Variants in DOP1B observed in about 807,000 individuals in gnomAD.
DOP1B encodes the protein DOP1 leucine zipper like protein B, also known as protein DOP1B.
In DOP1B, 174 loss-of-function variants were observed where a neutral mutation model predicts 233.5. The observed-to-expected ratio is 0.75, with a 90% confidence interval of 0.66 to 0.85. The LOEUF (loss-of-function observed/expected upper bound fraction) is 0.85, where lower values mean the gene tolerates loss of function less well. Among genes scored for constraint, DOP1B ranks in the 40% least tolerant of loss-of-function variants. DOP1B has a pLI of 0.00. For synonymous variants in DOP1B, 1,190 were observed against 1,185.6 expected (o/e 1.00, Z -0.08); for missense variants, 2,652 against 2,846.6 (o/e 0.93, Z 1.56).
intron 4 of DOP1B, among the ~76,000 whole-genome samples, chr21:36,203,644 T>TGGGG (rs3216566): frequency 1.9e-4 from 29 of 150,950 alleles, no homozygotes; most frequent in African/African-American, 6.8e-4. Flanking sequence ...GAGGGTGCAG[T>TGGGG]GGGGGGGGTC....
At chr21:36,241,771 C>T (rs2066894940) in intron 18 of DOP1B, among the ~76,000 whole-genome samples, 1 of 148,614 alleles carries the variant, frequency 6.7e-6, no homozygotes, top group Admixed American at 6.8e-5. Flanking sequence ...GAACTCCTGA[C>T]CCCAAATGAT....
At chr21:36,170,025 G>A in intron 2 of DOP1B, 1 of 739,006 alleles carries the variant, frequency 1.4e-6, no homozygotes, top group Non-Finnish European at 2.5e-6. Flanking sequence ...TGTGGGTCAT[G>A]CCAGCCTTGT....
chr21:36,200,581 C>G lies in DOP1B; in HGVS notation c.491+80C>G, dbSNP rs1051963375. On this transcript the variant is annotated intron_variant, in intron 4 of 36. Coordinates refer to ENST00000691173, the MANE Select transcript of DOP1B (RefSeq NM_001320714.2). Reference sequence around the variant, plus strand: ...GGAGGGGGCCGGGCGCAGTGGCTCACGCCTGTAATCCCAGCACTTTGGAAG... The same window carrying G: ...GGAGGGGGCCGGGCGCAGTGGCTCAGGCCTGTAATCCCAGCACTTTGGAAG... The G allele has an allele frequency of 2.7e-6, 4 of 1,480,214 alleles. No individual in the cohort carries two copies. The Admixed American group carries it at 9.5e-5, about 35-fold the overall frequency. 91.7% of individuals were successfully genotyped at this position (1,480,214 alleles called of 1,614,324 possible).
chr21:36,176,858 A>G (rs1486900667), intron 2 of DOP1B, among the ~76,000 whole-genome samples: 1 of 151,794 alleles, frequency 6.6e-6, no homozygotes, highest in Admixed American at 6.6e-5. Context: ...TCACTCTGTC[A>G]CCCAGGCTGG....
At chr21:36,219,276 G>A (rs191329556) in intron 9 of DOP1B, 96 bp from the exon 10 acceptor site, 82 of 1,486,164 alleles carry the variant, frequency 5.5e-5, no homozygotes, top group Admixed American at 1.1e-4. Flanking sequence ...GTCTGCACAG[G>A]TTTACTGTAT....
intron 26 of DOP1B, among the ~76,000 whole-genome samples, chr21:36,269,195 G>A (rs1020420489): frequency 4.0e-5 from 6 of 151,704 alleles, no homozygotes; most frequent in African/African-American, 1.5e-4. Flanking sequence ...CGCTCCTGTT[G>A]CCCAGGCTGG....
chr21:36,252,742 C>T (rs1481234455), intron 22 of DOP1B, among the ~76,000 whole-genome samples: 1 of 152,062 alleles, frequency 6.6e-6, no homozygotes, highest in Non-Finnish European at 1.5e-5. Context: ...AAACTCCTGA[C>T]CTCGTGATCC....
intron 13 of DOP1B, among the ~76,000 whole-genome samples, chr21:36,228,815 A>AAATAAAATAAAAT (rs1555892412): frequency 2.3e-4 from 27 of 119,426 alleles, no homozygotes; most frequent in African/African-American, 8.2e-4. Flanking sequence ...AAATAAAATA[A>AAATAAAATAAAAT]AATAAAATAA....
intron 6 of DOP1B, 28 bp downstream of exon 6, chr21:36,211,679 T>A: frequency 6.2e-7 from 1 of 1,606,168 alleles, no homozygotes; most frequent in South Asian, 1.1e-5. Context: ...TTCTGGTAAG[T>A]CACTGGTGTT....
intron 16 of DOP1B, 24 bp from the exon 17 acceptor site, chr21:36,238,577 A>G (rs2066853727): frequency 6.2e-7 from 1 of 1,606,214 alleles, no homozygotes; most frequent in Non-Finnish European, 8.5e-7. Context: ...CAAGTTCCTC[A>G]CTCCCATGTA....
intron 2 of DOP1B, among the ~76,000 whole-genome samples, chr21:36,166,555 CAGAA>C (rs2065913059): frequency 6.6e-6 from 1 of 152,092 alleles, no homozygotes; most frequent in South Asian, 2.1e-4. Context: ...CTTTCTTTCC[CAGAA>C]AGAAAGTGAC....
intron 16 of DOP1B, 86 bp from the exon 17 acceptor site, chr21:36,238,515 T>C: frequency 9.0e-7 from 1 of 1,114,414 alleles, no homozygotes; most frequent in Non-Finnish European, 1.4e-6. Context: ...GTCTTTGATC[T>C]ATTGTTTAAA....
At chr21:36,214,258 G>A (rs1328963295) in intron 8 of DOP1B, 68 bp downstream of exon 8, 3 of 1,426,304 alleles carry the variant, frequency 2.1e-6, no homozygotes, top group East Asian at 4.6e-5. Context: ...TTCTTTGGGA[G>A]GCTTCCACAT....
At chr21:36,260,533 A>G (rs1340010598) in intron 23 of DOP1B, 144 bp from the exon 24 acceptor site, 2 of 1,066,894 alleles carry the variant, frequency 1.9e-6, no homozygotes, top group East Asian at 2.5e-5. Context: ...GATGGGCACT[A>G]TCATGTCTGT....
intron 1 of DOP1B, among the ~76,000 whole-genome samples, chr21:36,159,171 A>G (rs2065847461): frequency 7.1e-6 from 1 of 140,020 alleles, no homozygotes; most frequent in African/African-American, 2.7e-5. Flanking sequence ...CAAAAAAGAG[A>G]CTGGGCGCAG....
rs1445632794 is a variant in DOP1B at position 36,245,219 on chromosome 21, T to C, written c.3239T>C (p.Leu1080Pro). 1 of 1,614,076 alleles carries C rather than the reference T, an allele frequency of 6.2e-7. No individual in the cohort carries two copies. The highest frequency in any genetic ancestry group is 8.5e-7 in the Non-Finnish European group (1 of 1,180,044). The change falls in exon 19 of 37, where the codon CTG becomes CCG. Residue 1080 changes from leucine to proline, a missense_variant. Coordinates refer to ENST00000691173, the MANE Select transcript of DOP1B (RefSeq NM_001320714.2). The surrounding 1 kb of genome is among the most constrained non-coding windows in gnomAD (Gnocchi z 5.5). ...GAGAAGGAGCCCGAGAAGTACCCGCTGCGAGGCGAGCTGAGCGAGGAAGAG... is the reference window on the plus strand; with the variant it reads ...GAGAAGGAGCCCGAGAAGTACCCGCCGCGAGGCGAGCTGAGCGAGGAAGAG... ...EVEKEPEKYP[L>P]RGELSEEELP...
At chr21:36,279,129 G>A (rs1339374988) in intron 30 of DOP1B, among the ~76,000 whole-genome samples, 1 of 151,784 alleles carries the variant, frequency 6.6e-6, no homozygotes, top group Non-Finnish European at 1.5e-5. Flanking sequence ...AAATCACTCA[G>A]GGCTGGTCAT....
At chr21:36,225,231 A>ATTTT (rs759213725) in intron 11 of DOP1B, among the ~76,000 whole-genome samples, 38 of 145,284 alleles carry the variant, frequency 2.6e-4, no homozygotes, top group African/African-American at 9.5e-4. Context: ...AGAAGAATTG[A>ATTTT]TTTTTTTTTT....
Position 36,277,007 on chromosome 21 carries a change from C to G in DOP1B, c.5633-14C>G, listed in dbSNP as rs762539709. On this transcript the variant is annotated splice_polypyrimidine_tract_variant and intron_variant, in intron 27 of 36. Coordinates refer to ENST00000691173, the MANE Select transcript of DOP1B (RefSeq NM_001320714.2). Reference sequence around the variant, plus strand: ...CATCATAGTTAACATACAAATGGCTCTTTCTGTTCACAGATGCTGCTGCAG... The same window carrying G: ...CATCATAGTTAACATACAAATGGCTGTTTCTGTTCACAGATGCTGCTGCAG... 1 of 1,613,754 alleles carries G rather than the reference C, an allele frequency of 6.2e-7. No individual in the cohort carries two copies. The highest frequency in any genetic ancestry group is 1.3e-5 in the African/African-American group (1 of 74,920).
Sources: allele counts gnomAD v4.1 joint callset (sites outside exome capture counted in the v4.1 genomes callset), GRCh38; gene constraint gnomAD v4.1.1; non-coding constraint Gnocchi (gnomAD v3.1); transcripts MANE v1.5; gene names NCBI Gene and HGNC (gene_info 2026-07-23, HGNC 2026-07-21).